MAP7: variants seen among roughly 807,000 people sequenced by gnomAD.
The protein encoded by MAP7 is microtubule associated protein 7, also known as ensconsin.
MAP7 carries 52 observed loss-of-function variants against 94.8 expected under a neutral mutation model. The ratio of observed to expected loss-of-function variants is 0.55; its 90% CI spans 0.44 to 0.69. The LOEUF (loss-of-function observed/expected upper bound fraction) is 0.69. Ranked by LOEUF, MAP7 falls within the 30% of genes least tolerant of loss-of-function variation. The pLI is 0.00. For synonymous variants in MAP7, 350 were observed against 357.0 expected (o/e 0.98, Z 0.22); for missense variants, 940 against 964.6 (o/e 0.97, Z 0.34).
intron 3 of MAP7, among the ~76,000 whole-genome samples, chr6:136,409,374 A>G (rs773938289): frequency 3.3e-5 from 5 of 152,210 alleles, no homozygotes; most frequent in African/African-American, 9.7e-5. Flanking sequence ...CCTGGGCAAC[A>G]TAACAAGATC....
chr6:136,505,299 A>G (rs1276020043), intron 1 of MAP7, among the ~76,000 whole-genome samples: 2 of 136,596 alleles, frequency 1.5e-5, no homozygotes, highest in South Asian at 2.3e-4. Flanking sequence ...ATATATATAT[A>G]TATATATATA....
At chr6:136,402,000 G>C (rs527662363) in intron 3 of MAP7, among the ~76,000 whole-genome samples, 1 of 152,028 alleles carries the variant, frequency 6.6e-6, no homozygotes, top group Non-Finnish European at 1.5e-5. Context: ...AGTCATTGTC[G>C]TGCTTGAAAA....
chr6:136,395,343 G>C (rs1231487601), intron 3 of MAP7, among the ~76,000 whole-genome samples: 1 of 146,356 alleles, frequency 6.8e-6, no homozygotes, highest in Non-Finnish European at 1.5e-5. Context: ...GCAGATGCCT[G>C]TTGGTTATTT....
In MAP7 at chr6:136,345,863, C is replaced by A. The variant is rs1787548094; in HGVS notation, c.2232G>T (p.Gln744His). The change falls in exon 17 of 18, where the codon CAG becomes CAT. Residue 744 changes from glutamine to histidine, a missense_variant. By Grantham distance (24) the Gln-to-His change is conservative (BLOSUM62 0). Transcript: ENST00000354570. ...LPQVDGVQTQ[Q>H]TAEVI The stretch of plus-strand genomic sequence containing the variant: ...AGTTGGAGGCAAGCTTACCTGCAGT[C>A]TGCTGTGTCTGAACACCATCTACCT... The A allele has an allele frequency of 1.2e-6, 2 of 1,613,860 alleles. No homozygotes were observed. Among genetic ancestry groups the A allele is most frequent in the African/African-American group, 2.7e-5 (2 of 74,926 alleles).
chr6:136,525,809 C>T, intron 1 of MAP7: 1 of 1,529,008 alleles, frequency 6.5e-7, no homozygotes, highest in Non-Finnish European at 8.7e-7. Flanking sequence ...TGGCTCCGAC[C>T]AAAGGGTGGA....
At chr6:136,365,642 A>G in intron 10 of MAP7, 93 bp downstream of exon 10, 4 of 1,390,738 alleles carry the variant, frequency 2.9e-6, no homozygotes, top group Non-Finnish European at 3.9e-6. Flanking sequence ...CAAGTCTCCA[A>G]TAAAAGAAGA....
At chr6:136,373,443 C>G (rs569269931) in intron 7 of MAP7, among the ~76,000 whole-genome samples, 1 of 152,256 alleles carries the variant, frequency 6.6e-6, no homozygotes, top group South Asian at 2.1e-4. Context: ...CGTGAAGAAC[C>G]TTTACAGTTT....
At chr6:136,515,629 GGAGA>G (rs1299148817) in intron 1 of MAP7, among the ~76,000 whole-genome samples, 1 of 152,198 alleles carries the variant, frequency 6.6e-6, no homozygotes, top group Non-Finnish European at 1.5e-5. Flanking sequence ...CTGAGGAGAG[GGAGA>G]GAGACAGAAA....
At chr6:136,426,424 C>T (rs769817608) in intron 1 of MAP7, among the ~76,000 whole-genome samples, 13 of 152,324 alleles carry the variant, frequency 8.5e-5, no homozygotes, top group South Asian at 4.1e-4. Context: ...GGAGGAGAGA[C>T]AGTGTGCACA....
intron 1 of MAP7, among the ~76,000 whole-genome samples, chr6:136,548,481 T>C (rs2129063673): frequency 6.6e-6 from 1 of 152,314 alleles, no homozygotes; most frequent in East Asian, 1.9e-4. Context: ...AGTATAATTA[T>C]TCAAGACCAT....
intron 1 of MAP7, among the ~76,000 whole-genome samples, chr6:136,542,542 T>C (rs148247820): frequency 5.9e-5 from 9 of 152,312 alleles, no homozygotes; most frequent in Non-Finnish European, 1.2e-4. Flanking sequence ...TTCCAAGTTC[T>C]AGAAAGCCAT....
intron 1 of MAP7, among the ~76,000 whole-genome samples, chr6:136,532,607 A>G (rs997189322): frequency 7.4e-5 from 11 of 149,626 alleles, no homozygotes; most frequent in Non-Finnish European, 1.5e-4. Flanking sequence ...GGATTAATGC[A>G]CTGTTTACAG....
At chr6:136,357,456 TGA>T (rs1791341935) in intron 15 of MAP7, among the ~76,000 whole-genome samples, 1 of 152,192 alleles carries the variant, frequency 6.6e-6, no homozygotes, top group Non-Finnish European at 1.5e-5. Flanking sequence ...CAGCTTGATG[TGA>T]GAGAATAACT....
At chr6:136,465,523 A>G (rs991215826) in intron 1 of MAP7, among the ~76,000 whole-genome samples, 3 of 152,228 alleles carry the variant, frequency 2.0e-5, no homozygotes, top group African/African-American at 7.2e-5. Flanking sequence ...GGCAAAAAAA[A>G]TGGAAAGTCA....
chr6:136,513,758 C>A (rs1196024028), intron 1 of MAP7, among the ~76,000 whole-genome samples: 1 of 152,170 alleles, frequency 6.6e-6, no homozygotes, highest in Non-Finnish European at 1.5e-5. Flanking sequence ...ATGAGGAACA[C>A]CTGAGCCCCA....
At chr6:136,467,005 G>T in intron 1 of MAP7, 1 of 918,932 alleles carries the variant, frequency 1.1e-6, no homozygotes, top group Non-Finnish European at 1.5e-6. Flanking sequence ...CGTGTTCACT[G>T]AACCAAGCAA....
chr6:136,387,494 T>C (rs754220607), intron 5 of MAP7, among the ~76,000 whole-genome samples: 46 of 152,222 alleles, frequency 3.0e-4, no homozygotes, highest in Admixed American at 5.2e-4. Context: ...TCTACGTCTA[T>C]GCGCTAGGGT....
intron 1 of MAP7, among the ~76,000 whole-genome samples, chr6:136,547,575 A>AT (rs370619476): frequency 7.2e-4 from 108 of 150,468 alleles, no homozygotes; most frequent in South Asian, 3.6e-3. Context: ...TTCCAAGGCA[A>AT]TTTTTTTTTT....
At chr6:136,423,381 C>T (rs1190000332) in intron 1 of MAP7, among the ~76,000 whole-genome samples, 1 of 152,180 alleles carries the variant, frequency 6.6e-6, no homozygotes, top group East Asian at 1.9e-4. Context: ...CACAGCAAGG[C>T]ACGATAAATG....
Sources: allele counts gnomAD v4.1 joint callset (sites outside exome capture counted in the v4.1 genomes callset), GRCh38; gene constraint gnomAD v4.1.1; transcripts MANE v1.5; gene names NCBI Gene and HGNC (gene_info 2026-07-23, HGNC 2026-07-21).